The following ARFGEF1 variants were observed in gnomAD, a reference collection of about 807,000 sequenced individuals.
ARFGEF1 encodes the protein ARF guanine nucleotide exchange factor 1.
Under a neutral mutation model 231.0 loss-of-function variants are expected in ARFGEF1, and 42 were observed. That is an observed-to-expected ratio of 0.18 (90% confidence interval 0.14 to 0.24). The LOEUF (loss-of-function observed/expected upper bound fraction) is 0.24. Ranked by LOEUF, ARFGEF1 falls within the 10% of genes least tolerant of loss-of-function variation. The pLI is 1.00. For synonymous variants in ARFGEF1, 710 were observed against 732.3 expected, an observed-to-expected ratio of 0.97 and a Z score of 0.49; for missense variants, 1,345 against 2,192.0, an observed-to-expected ratio of 0.61 and a Z score of 7.72.
At chr8:67,253,707 G>C (rs1840368318) in intron 17 of ARFGEF1, 85 bp from the exon 18 acceptor site, 1 of 722,478 alleles carries the variant, frequency 1.4e-6, no homozygotes, top group African/African-American at 1.8e-5. Context: ...TTACATAAGA[G>C]ATTTTGTAAA....
chr8:67,266,862 AAATATC>A lies in ARFGEF1; in HGVS notation c.1921+8_1921+13del, dbSNP rs746873739. 3 of 1,600,260 alleles carry A rather than the reference AAATATC, an allele frequency of 1.9e-6. No individual in the cohort carries two copies. In the South Asian group the frequency reaches 3.3e-5, roughly 18 times the overall value. On this transcript the variant is annotated splice_region_variant and intron_variant, in intron 13 of 38. Transcript: ENST00000262215. ...TAAAATGACAAAGAATTACAGCTCA[AAATATC>A]ACCTTACCAAGAGTTGTCTGGGAGT...
chr8:67,201,856 A>C, intron 36 of ARFGEF1: 1 of 422,994 alleles, frequency 2.4e-6, no homozygotes, highest in South Asian at 2.4e-5. Flanking sequence ...ACTGCACTTG[A>C]ATCCCCAAAG....
chr8:67,239,045 C>T (rs1382402301), intron 20 of ARFGEF1, 152 bp from the exon 21 acceptor site: 7 of 606,402 alleles, frequency 1.2e-5, no homozygotes, highest in African/African-American at 9.4e-5. Context: ...CTCACCCTGT[C>T]GCCCAGGCTG....
chr8:67,301,185 A>G (rs1347791003), intron 3 of ARFGEF1, 39 bp downstream of exon 3: 1 of 1,515,812 alleles, frequency 6.6e-7, no homozygotes, highest in African/African-American at 1.4e-5. Flanking sequence ...AAACACATTC[A>G]AAGTACACAG....
chr8:67,331,520 G>A (rs1401323763), intron 1 of ARFGEF1, among the ~76,000 whole-genome samples: 1 of 152,166 alleles, frequency 6.6e-6, no homozygotes, highest in Admixed American at 6.5e-5. Context: ...TGAATTCCCA[G>A]TGAGAAATAA....
chr8:67,186,192 G>T (rs1291480337), intron 5 of ARFGEF1, among the ~76,000 whole-genome samples: 1 of 152,132 alleles, frequency 6.6e-6, no homozygotes, highest in Non-Finnish European at 1.5e-5. Context: ...TTATAATGCA[G>T]AGTGAGAACT....
intron 32 of ARFGEF1, 72 bp from the exon 33 acceptor site, chr8:67,216,734 G>T: frequency 8.3e-7 from 1 of 1,210,690 alleles, no homozygotes; most frequent in Non-Finnish European, 1.2e-6. Context: ...ATTTTGAAAT[G>T]GGCCCAAGAA....
intron 35 of ARFGEF1, 54 bp from the exon 36 acceptor site, chr8:67,203,305 G>A (rs1439650672): frequency 2.5e-6 from 4 of 1,576,192 alleles, no homozygotes; most frequent in Non-Finnish European, 3.5e-6. Context: ...AATTTTACTT[G>A]ATTTACAACT....
At chr8:67,239,628 G>A (rs976697864) in intron 20 of ARFGEF1, among the ~76,000 whole-genome samples, 4 of 151,602 alleles carry the variant, frequency 2.6e-5, no homozygotes, top group African/African-American at 7.3e-5. Flanking sequence ...CCACAGCTAC[G>A]CTATACTTTT....
chr8:67,218,024 G>A lies in ARFGEF1; in HGVS notation c.4453C>T (p.Leu1485Phe). 1 of 1,611,070 alleles carries A rather than the reference G, an allele frequency of 6.2e-7. No individual in the cohort carries two copies. Among genetic ancestry groups the A allele is most frequent in the Non-Finnish European group, 8.5e-7 (1 of 1,178,636 alleles). Residue 1485 changes from leucine to phenylalanine, a missense_variant, in exon 31 of 39, where the codon CTC becomes TTC. By Grantham distance (22) the Leu-to-Phe change is conservative. Transcript: ENST00000262215. ...CTACCTTGCTGCACACACCAGTAGA[G>A]CTGAGCAAAAATGTCATCCAAAAGT... is the stretch of plus-strand genomic sequence containing the variant. ...DVLLDDIFAQ[L>F]YWCVQQDNEQ...
intron 1 of ARFGEF1, among the ~76,000 whole-genome samples, chr8:67,330,501 AC>A (rs997563679): frequency 3.9e-5 from 6 of 152,190 alleles, no homozygotes; most frequent in African/African-American, 1.4e-4. Context: ...AGTAAAAAAA[AC>A]ACATTCTAAT....
At chr8:67,208,456 C>G (rs1838599011) in intron 34 of ARFGEF1, among the ~76,000 whole-genome samples, 1 of 151,868 alleles carries the variant, frequency 6.6e-6, no homozygotes, top group Non-Finnish European at 1.5e-5. Context: ...ATGGCGAAAC[C>G]CCATCTCTAC....
At chr8:67,191,602 T>C (rs1298863231) in intron 5 of ARFGEF1, among the ~76,000 whole-genome samples, 1 of 152,252 alleles carries the variant, frequency 6.6e-6, no homozygotes, top group Non-Finnish European at 1.5e-5. Context: ...GTGCCAGTAC[T>C]GAAGCCTCTT....
downstream of ARFGEF1, among the ~76,000 whole-genome samples, chr8:67,193,766 G>A (rs1837092099): frequency 6.6e-6 from 1 of 152,200 alleles, no homozygotes; most frequent in African/African-American, 2.4e-5. Flanking sequence ...CCAGACCTCA[G>A]GATGCAGTTT....
In ARFGEF1 at chr8:67,257,884, C is replaced by T; in HGVS notation, c.2442-68G>A. 14 of 1,365,000 alleles carry T rather than the reference C, an allele frequency of 1.0e-5. No homozygotes were observed. In the South Asian group the frequency reaches 1.7e-4, roughly 16 times the overall value. The allele number at this position is 1,365,000 out of a possible 1,614,324, so 84.6% of individuals were successfully genotyped here. A position where few individuals can be genotyped will look rare whatever the true frequency, so the allele number is the denominator to read the frequency against. On this transcript the variant is annotated intron_variant, in intron 16 of 38. Transcript: ENST00000262215. Reference sequence around the variant, plus strand: ...ATATAGTTTCATTTAAATAAGTCACCTCAAATCCCATAGCACTTTTATTTC... The same window carrying T: ...ATATAGTTTCATTTAAATAAGTCACTTCAAATCCCATAGCACTTTTATTTC...
At chr8:67,252,548 T>A (rs1406591952) in intron 18 of ARFGEF1, among the ~76,000 whole-genome samples, 1 of 152,196 alleles carries the variant, frequency 6.6e-6, no homozygotes, top group Admixed American at 6.5e-5. Flanking sequence ...TTTACTACTG[T>A]ACTCTGTTTA....
intron 23 of ARFGEF1, among the ~76,000 whole-genome samples, chr8:67,230,676 CT>C (rs1839525489): frequency 6.6e-6 from 1 of 151,946 alleles, no homozygotes; most frequent in African/African-American, 2.4e-5. Context: ...AAGAGAAAAA[CT>C]ATGATGCTAA....
intron 5 of ARFGEF1, among the ~76,000 whole-genome samples, chr8:67,295,408 AGGTAT>A (rs2128911714): frequency 6.6e-6 from 1 of 152,318 alleles, no homozygotes; most frequent in African/African-American, 2.4e-5. Flanking sequence ...ACCAACATTA[AGGTAT>A]ATCAACATCA....
At chr8:67,261,469 C>T (rs1433894443) in intron 14 of ARFGEF1, among the ~76,000 whole-genome samples, 1 of 152,204 alleles carries the variant, frequency 6.6e-6, no homozygotes, top group Non-Finnish European at 1.5e-5. Flanking sequence ...ATGACAGCAC[C>T]AGCTGTTTAC....
Sources: allele counts gnomAD v4.1 joint callset (sites outside exome capture counted in the v4.1 genomes callset), GRCh38; gene constraint gnomAD v4.1.1; transcripts MANE v1.5; gene names NCBI Gene and HGNC (gene_info 2026-07-23, HGNC 2026-07-21).